DPP10: variants seen among roughly 807,000 people sequenced by gnomAD.
DPP10 encodes the protein dipeptidyl peptidase like 10, also known as inactive dipeptidyl peptidase 10.
DPP10 carries 33 observed loss-of-function variants against 120.9 expected under a neutral mutation model. That is an observed-to-expected ratio of 0.27 (90% CI 0.21 to 0.37). The LOEUF is 0.37. DPP10 is among the 10% of genes least tolerant of loss of function. DPP10 has a pLI of 1.00. For missense variants in DPP10, 816 were observed against 942.8 expected, an observed-to-expected ratio of 0.87 and a Z score of 1.76; for synonymous variants, 337 against 326.1, an observed-to-expected ratio of 1.03 and a Z score of -0.36.
intron 1 of DPP10, among the ~76,000 whole-genome samples, chr2:114,787,387 G>A (rs879537796): frequency 4.6e-5 from 7 of 152,186 alleles, no homozygotes; most frequent in Admixed American, 3.9e-4. Context: ...CCTAATCCCT[G>A]GTTGGGAAAC....
chr2:114,919,680 T>C (rs994257730), intron 1 of DPP10, among the ~76,000 whole-genome samples: 3 of 152,190 alleles, frequency 2.0e-5, no homozygotes, highest in African/African-American at 7.2e-5. Flanking sequence ...AAAAATTGCT[T>C]CTAAGAAAAC....
Position 115,689,839 on chromosome 2 carries a change from G to A in DPP10, c.495-1G>A. 1 of 1,613,654 alleles carries A rather than the reference G, an allele frequency of 6.2e-7. No homozygotes were observed. Among genetic ancestry groups the A allele is most frequent in the Non-Finnish European group, 8.5e-7 (1 of 1,179,892 alleles). ...TGTAAAAATATTCACATTTTTTCAA[G>A]GGAAGTTTGGGAGTTAAATCCTCCA... is the stretch of plus-strand genomic sequence containing the variant. On this transcript the variant is annotated splice_acceptor_variant, in intron 6 of 25. Transcript: ENST00000410059. LOFTEE classifies it high-confidence loss of function.
intron 1 of DPP10, among the ~76,000 whole-genome samples, chr2:115,029,629 G>A (rs916761129): frequency 6.6e-6 from 1 of 151,032 alleles, no homozygotes; most frequent in African/African-American, 2.4e-5. Flanking sequence ...TTTCAGTGTT[G>A]GTTCTTATAG....
intron 1 of DPP10, among the ~76,000 whole-genome samples, chr2:115,308,915 G>C (rs2061471743): frequency 1.3e-5 from 2 of 151,852 alleles, no homozygotes; most frequent in Admixed American, 1.3e-4. Flanking sequence ...CATGTAAATG[G>C]ACTCGCTCTA....
At chr2:114,626,974 T>G (rs1035523672) in intron 1 of DPP10, among the ~76,000 whole-genome samples, 9 of 152,114 alleles carry the variant, frequency 5.9e-5, no homozygotes, top group African/African-American at 2.2e-4. Context: ...GACCTTAATT[T>G]AATTAGTCTG....
At chr2:115,281,995 A>G (rs1351796811) in intron 1 of DPP10, among the ~76,000 whole-genome samples, 1 of 152,128 alleles carries the variant, frequency 6.6e-6, no homozygotes, top group Admixed American at 6.6e-5. Context: ...CATTTGTAAA[A>G]TGCAATTGGA....
Position 114,829,413 on chromosome 2 carries a change from C to T in DPP10, c.60+386575C>T, listed in dbSNP as rs138112432. ...ATTTTTTTTTTTTGAGACAGAGTGT[C>T]GCTCTTGTCACCCAGGCTGGAGTGC... On this transcript the variant is annotated intron_variant, in intron 1 of 25. Coordinates refer to ENST00000410059, the MANE Select transcript of DPP10 (RefSeq NM_020868.6). Among the ~76,000 whole-genome samples the T allele has an allele frequency of 8.5e-3, 1,191 of 139,476 alleles. 9 individuals carry two copies. Among genetic ancestry groups the T allele is most frequent in the Non-Finnish European group, 0.013 (848 of 64,306 alleles). 91.5% of individuals were successfully genotyped at this position (139,476 alleles called of 152,430 possible). A position where few individuals can be genotyped will look rare whatever the true frequency, so the allele number is the denominator to read the frequency against.
chr2:115,222,587 A>G (rs528190157), intron 1 of DPP10, among the ~76,000 whole-genome samples: 1 of 152,246 alleles, frequency 6.6e-6, no homozygotes, highest in Admixed American at 6.5e-5. Context: ...TGTAAGTCCA[A>G]CAAACCTCTT....
Position 115,348,703 on chromosome 2 carries a change from A to G in DPP10, c.271+4791A>G, listed in dbSNP as rs539826338. Among the ~76,000 whole-genome samples, 23 of 152,210 alleles carry G rather than the reference A, an allele frequency of 1.5e-4. No individual in the cohort carries two copies. The South Asian group carries it at 4.3e-3, about 29-fold the overall frequency. Reference sequence around the variant, plus strand: ...TGGAGTATAAACAATTAAAATTATCATTTGATAAAAAAAAGTTGTAAATTT... The same window carrying G: ...TGGAGTATAAACAATTAAAATTATCGTTTGATAAAAAAAAGTTGTAAATTT... On this transcript the variant is annotated intron_variant, in intron 3 of 25. Transcript: ENST00000410059.
At chr2:115,074,136 C>CCCT (rs1707596537) in intron 1 of DPP10, among the ~76,000 whole-genome samples, 1 of 152,114 alleles carries the variant, frequency 6.6e-6, no homozygotes, top group Non-Finnish European at 1.5e-5. Context: ...CTTAGCTTCC[C>CCCT]TAGTCGCTTG....
At chr2:115,219,655 A>G (rs1416845936) in intron 1 of DPP10, among the ~76,000 whole-genome samples, 1 of 152,174 alleles carries the variant, frequency 6.6e-6, no homozygotes, top group Non-Finnish European at 1.5e-5. Context: ...ATTACCCTAA[A>G]TTCTCAATAT....
chr2:115,673,106 C>T (rs557879923), intron 5 of DPP10, among the ~76,000 whole-genome samples: 8 of 152,212 alleles, frequency 5.3e-5, no homozygotes, highest in Admixed American at 1.3e-4. Context: ...TTAAAACCCT[C>T]GCCTACATAG....
chr2:114,480,836 A>G (rs887865039), intron 1 of DPP10, among the ~76,000 whole-genome samples: 1 of 151,974 alleles, frequency 6.6e-6, no homozygotes, highest in African/African-American at 2.4e-5. Flanking sequence ...GTGCACATGT[A>G]CCCTAGAACT....
chr2:114,665,082 G>T (rs142234778), intron 1 of DPP10, among the ~76,000 whole-genome samples: 2 of 152,274 alleles, frequency 1.3e-5, no homozygotes, highest in South Asian at 2.1e-4. Flanking sequence ...CCCTGAAATC[G>T]CATAGGTCTC....
intron 19 of DPP10, among the ~76,000 whole-genome samples, chr2:115,803,622 G>C (rs1685541031): frequency 2.0e-5 from 3 of 152,108 alleles, no homozygotes; most frequent in Admixed American, 2.0e-4. Context: ...TTTAGGGCAG[G>C]CCTGGTGGTG....
chr2:114,531,339 G>A (rs1222186320), intron 1 of DPP10, among the ~76,000 whole-genome samples: 3 of 151,892 alleles, frequency 2.0e-5, no homozygotes, highest in Non-Finnish European at 4.4e-5. Context: ...CTTCTAAAAA[G>A]TACTGCTTAT....
At chr2:115,615,612 A>G (rs1459467259) in intron 5 of DPP10, among the ~76,000 whole-genome samples, 1 of 152,242 alleles carries the variant, frequency 6.6e-6, no homozygotes, top group Non-Finnish European at 1.5e-5. Context: ...TAAATAAAAT[A>G]TAAAAACAAT....
At chr2:115,589,201 A>G (rs1199159942) in intron 5 of DPP10, among the ~76,000 whole-genome samples, 1 of 152,178 alleles carries the variant, frequency 6.6e-6, no homozygotes. Context: ...CCTTAAAACC[A>G]TGAAATGTCA....
intron 21 of DPP10, among the ~76,000 whole-genome samples, chr2:115,815,943 T>A (rs1687180005): frequency 6.6e-6 from 1 of 151,522 alleles, no homozygotes; most frequent in South Asian, 2.1e-4. Flanking sequence ...TATATGTATA[T>A]ATACATACAT....
Sources: allele counts gnomAD v4.1 joint callset (sites outside exome capture counted in the v4.1 genomes callset), GRCh38; gene constraint gnomAD v4.1.1; transcripts MANE v1.5; gene names NCBI Gene and HGNC (gene_info 2026-07-23, HGNC 2026-07-21).